The following PLEKHA7 variants were observed in gnomAD, a reference collection of about 807,000 sequenced individuals.
The protein encoded by PLEKHA7 is pleckstrin homology domain-containing family A member 7.
PLEKHA7 carries 104 observed loss-of-function variants against 170.0 expected under a neutral mutation model. That is an observed-to-expected ratio of 0.61 (90% confidence interval 0.52 to 0.72). PLEKHA7 has a LOEUF of 0.72. Among genes scored for constraint, PLEKHA7 ranks in the 30% least tolerant of loss-of-function variants. The probability of loss-of-function intolerance (pLI) is 0.00; values close to 1 mark genes in which losing one functional copy is unlikely to be tolerated. For synonymous variants in PLEKHA7, 648 were observed against 660.8 expected (o/e 0.98, Z 0.30); for missense variants, 1,615 against 1,671.7 (o/e 0.97, Z 0.59).
intron 8 of PLEKHA7, among the ~76,000 whole-genome samples, chr11:16,849,096 C>G (rs894452251): frequency 6.6e-6 from 1 of 152,206 alleles, no homozygotes; most frequent in African/African-American, 2.4e-5. Context: ...TCTCTGCTCT[C>G]GGATCCTGAG....
chr11:16,916,370 G>A (rs776603226), intron 3 of PLEKHA7, among the ~76,000 whole-genome samples: 21 of 152,102 alleles, frequency 1.4e-4, no homozygotes, highest in East Asian at 7.7e-4. Flanking sequence ...ACTTTCTACC[G>A]CAGAAAACCA....
intron 3 of PLEKHA7, among the ~76,000 whole-genome samples, chr11:16,953,685 G>C (rs987251389): frequency 6.6e-6 from 1 of 152,062 alleles, no homozygotes; most frequent in African/African-American, 2.4e-5. Flanking sequence ...AAATAATTCT[G>C]TATTTAAGGG....
intron 3 of PLEKHA7, among the ~76,000 whole-genome samples, chr11:16,883,513 A>G (rs1248071683): frequency 6.6e-6 from 1 of 152,112 alleles, no homozygotes; most frequent in African/African-American, 2.4e-5. Context: ...AAGCCTCTTT[A>G]TCTCTCACTG....
intron 3 of PLEKHA7, among the ~76,000 whole-genome samples, chr11:16,951,527 G>A (rs1043599872): frequency 6.6e-6 from 1 of 152,074 alleles, no homozygotes; most frequent in African/African-American, 2.4e-5. Flanking sequence ...AAATACGGAG[G>A]CCCAGAGATG....
chr11:16,783,056 A>C (rs1442151221), intron 25 of PLEKHA7, among the ~76,000 whole-genome samples, 160 bp from the exon 26 acceptor site: 2 of 152,192 alleles, frequency 1.3e-5, no homozygotes, highest in African/African-American at 4.8e-5. Flanking sequence ...TTTTCCCCAA[A>C]CACCCAAACG....
At chr11:16,848,895 A>G (rs7119994) in intron 8 of PLEKHA7, among the ~76,000 whole-genome samples, 8,587 of 152,292 alleles carry the variant, frequency 0.056, 783 homozygotes, top group African/African-American at 0.19. Flanking sequence ...GTCAAGGCCA[A>G]TCACAAAACA....
At chr11:16,989,557 C>T (rs1463146580) in intron 3 of PLEKHA7, among the ~76,000 whole-genome samples, 1 of 152,212 alleles carries the variant, frequency 6.6e-6, no homozygotes, top group Non-Finnish European at 1.5e-5. Flanking sequence ...AAGTTCCACA[C>T]CACAGCTCTA....
intron 9 of PLEKHA7, among the ~76,000 whole-genome samples, chr11:16,827,829 T>TG (rs373335826): frequency 3.7e-5 from 5 of 135,508 alleles, no homozygotes; most frequent in African/African-American, 1.1e-4. Flanking sequence ...ACTCCATGGT[T>TG]AAAAAAAAAA....
chr11:16,975,155 T>C lies in PLEKHA7; in HGVS notation c.221+38834A>G. On this transcript the variant is annotated intron_variant, in intron 3 of 26. Coordinates refer to ENST00000531066, the MANE Select transcript of PLEKHA7 (RefSeq NM_001329630.2). ...TCAGGACACAGGACAGTTCCACCAC[T>C]TCAAAGAAATGTACCCTCTTCTAAG... is the stretch of plus-strand genomic sequence containing the variant. The C allele has an allele frequency of 5.4e-6, 2 of 371,810 alleles. 1 individual carries two copies. Among genetic ancestry groups the C allele is most frequent in the Non-Finnish European group, 8.7e-6 (2 of 229,246 alleles). The allele number at this position is 371,810 out of a possible 1,614,324, so 23.0% of individuals were successfully genotyped here. A position where few individuals can be genotyped will look rare whatever the true frequency, so the allele number is the denominator to read the frequency against.
At chr11:16,792,933 C>T (rs1847959880) in intron 19 of PLEKHA7, among the ~76,000 whole-genome samples, 1 of 152,112 alleles carries the variant, frequency 6.6e-6, no homozygotes, top group African/African-American at 2.4e-5. Flanking sequence ...AGCACCACGC[C>T]CATCTTATAA....
At chr11:16,970,789 T>C (rs181467606) in intron 3 of PLEKHA7, among the ~76,000 whole-genome samples, 2 of 152,290 alleles carry the variant, frequency 1.3e-5, no homozygotes, top group African/African-American at 4.8e-5. Context: ...AAACTATATG[T>C]ACAACATGAT....
chr11:16,786,796 CG>C (rs1479872665), intron 23 of PLEKHA7: 2 of 985,268 alleles, frequency 2.0e-6, no homozygotes, highest in African/African-American at 3.5e-5. Flanking sequence ...TGGAAAAACA[CG>C]CCCTTCAAGG....
intron 3 of PLEKHA7, among the ~76,000 whole-genome samples, chr11:16,975,573 T>C (rs914329676): frequency 2.6e-5 from 4 of 152,162 alleles, no homozygotes; most frequent in African/African-American, 7.2e-5. Flanking sequence ...GATTTTGCTA[T>C]CTGTGGGGGC....
At chr11:16,979,143 T>C (rs1244883652) in intron 3 of PLEKHA7, among the ~76,000 whole-genome samples, 1 of 152,210 alleles carries the variant, frequency 6.6e-6, no homozygotes, top group Non-Finnish European at 1.5e-5. Flanking sequence ...GTTCAAGCAA[T>C]TCTCCTGCCT....
rs190670058 is a variant in PLEKHA7 at position 16,934,577 on chromosome 11, C to G, written c.222-63395G>C. ...CTTTTTACCTAAACAGAAACAGTACCAGGCTATTGCCATTCTCCTTGTCTC... is the reference window on the plus strand; with the variant it reads ...CTTTTTACCTAAACAGAAACAGTACGAGGCTATTGCCATTCTCCTTGTCTC... On this transcript the variant is annotated intron_variant, in intron 3 of 26. Coordinates refer to ENST00000531066, the MANE Select transcript of PLEKHA7 (RefSeq NM_001329630.2). 2.6e-5 allele frequency among the ~76,000 whole-genome samples: 4 copies of G among 152,284 alleles called. No homozygotes were observed. In the South Asian group the frequency reaches 6.2e-4, roughly 24 times the overall value.
rs200440171 is a variant in PLEKHA7 at position 16,822,498 on chromosome 11, AG to A, written c.1343+3621del. Reference sequence around the variant, plus strand: ...CACATCTCAAGTGTCTGCTTTTGGTAGGGGAAAAAAAAAAAAAAAAAAAAAA... The same window carrying A: ...CACATCTCAAGTGTCTGCTTTTGGTAGGGAAAAAAAAAAAAAAAAAAAAAA... On this transcript the variant is annotated intron_variant, in intron 10 of 26. Transcript: ENST00000531066. 6.5e-3 allele frequency among the ~76,000 whole-genome samples: 696 copies of A among 107,528 alleles called. 40 individuals are homozygous for A. Among genetic ancestry groups the A allele is most frequent in the South Asian group, 0.013 (39 of 3,060 alleles). The allele number at this position is 107,528 out of a possible 152,430, so 70.5% of individuals were successfully genotyped here. A position where few individuals can be genotyped will look rare whatever the true frequency, so the allele number is the denominator to read the frequency against.
At chr11:16,949,153 C>CT (rs1157793451) in intron 3 of PLEKHA7, among the ~76,000 whole-genome samples, 1 of 151,958 alleles carries the variant, frequency 6.6e-6, no homozygotes, top group Non-Finnish European at 1.5e-5. Flanking sequence ...ATTTAGCAAG[C>CT]TTTATCTGTC....
Position 16,794,901 on chromosome 11 carries a change from A to C in PLEKHA7, c.2518+9T>G, listed in dbSNP as rs767854655. 6.3e-7 allele frequency: 1 copy of C among 1,593,624 alleles called. No homozygotes were observed. Among genetic ancestry groups the C allele is most frequent in the South Asian group, 1.1e-5 (1 of 90,594 alleles). On this transcript the variant is annotated intron_variant, in intron 18 of 26. Coordinates refer to ENST00000531066, the MANE Select transcript of PLEKHA7 (RefSeq NM_001329630.2). Reference sequence around the variant, plus strand: ...AGATCCCCCACATCCAGGAAGATGAACATCTCACCCGGATTTTTTACTGAC... The same window carrying C: ...AGATCCCCCACATCCAGGAAGATGACCATCTCACCCGGATTTTTTACTGAC...
intron 4 of PLEKHA7, among the ~76,000 whole-genome samples, chr11:16,861,521 C>T (rs548217190): frequency 3.9e-4 from 60 of 152,044 alleles, no homozygotes; most frequent in African/African-American, 1.4e-3. Flanking sequence ...TGGTGGTGCA[C>T]GCCTGTAGTC....
Sources: allele counts gnomAD v4.1 joint callset (sites outside exome capture counted in the v4.1 genomes callset), GRCh38; gene constraint gnomAD v4.1.1; transcripts MANE v1.5; gene names NCBI Gene and HGNC (gene_info 2026-07-23, HGNC 2026-07-21).